Variants in PROM1 observed in about 807,000 individuals in gnomAD.
The protein encoded by PROM1 is prominin-1.
In PROM1, 105 loss-of-function variants were observed where a neutral mutation model predicts 116.9. The observed-to-expected ratio is 0.90, with a 90% confidence interval of 0.77 to 1.06. The LOEUF (loss-of-function observed/expected upper bound fraction) is 1.06. PROM1 is among the 50% of genes least tolerant of loss of function. PROM1 has a pLI of 0.00. For synonymous variants in PROM1, 393 were observed against 387.0 expected (o/e 1.02, Z -0.18); for missense variants, 1,122 against 1,045.2 (o/e 1.07, Z -1.01).
intron 13 of PROM1, chr4:16,003,282 A>G (rs559392340): frequency 4.4e-6 from 2 of 456,708 alleles, no homozygotes; most frequent in African/African-American, 2.0e-5. Flanking sequence ...CTTCACTATC[A>G]TAACTAATAC....
chr4:16,014,903 T>C (rs1426636575), intron 10 of PROM1, among the ~76,000 whole-genome samples: 1 of 152,210 alleles, frequency 6.6e-6, no homozygotes, highest in Non-Finnish European at 1.5e-5. Flanking sequence ...CCCTGCGTTT[T>C]TGGGGGTTTA....
At chr4:16,038,510 C>A (rs1179853682) in intron 3 of PROM1, among the ~76,000 whole-genome samples, 1 of 152,196 alleles carries the variant, frequency 6.6e-6, no homozygotes, top group Non-Finnish European at 1.5e-5. Flanking sequence ...TCAAGCGATT[C>A]TCCTGCCTCA....
At chr4:16,070,493 G>A (rs927653953) in intron 2 of PROM1, among the ~76,000 whole-genome samples, 1 of 152,038 alleles carries the variant, frequency 6.6e-6, no homozygotes, top group Admixed American at 6.5e-5. Flanking sequence ...TGATTACATC[G>A]CAGTTAGCAT....
At chr4:16,060,086 C>T (rs1158829564) in intron 2 of PROM1, among the ~76,000 whole-genome samples, 7 of 152,102 alleles carry the variant, frequency 4.6e-5, no homozygotes, top group East Asian at 1.9e-4. Context: ...CACACACAAA[C>T]GCTGATAACA....
chr4:16,075,809 T>C lies in PROM1; in HGVS notation c.98A>G (p.Asn33Ser). The C allele has an allele frequency of 6.2e-7, 1 of 1,613,808 alleles. No individual in the cohort carries two copies. The highest frequency in any genetic ancestry group is 1.1e-5 in the South Asian group (1 of 90,976). The change falls in exon 2 of 28, where the codon AAT (asparagine) becomes AGT (serine). Residue 33 changes from asparagine (N) to serine (S), a missense_variant. Transcript: ENST00000447510. ...ATAATTTGTTGCAGGCAATTCATAA[T>C]TCCAAGCCTTAGGAGCATCTGTGGA... The part of the protein sequence containing the change: ...PSSTDAPKAW[N>S]YELPATNYET...
At chr4:16,029,917 TA>T (rs1296799031) in intron 5 of PROM1, among the ~76,000 whole-genome samples, 1 of 152,192 alleles carries the variant, frequency 6.6e-6, no homozygotes, top group African/African-American at 2.4e-5. Context: ...TCCACTCTCC[TA>T]TCTTTCCCTC....
intron 22 of PROM1, 87 bp downstream of exon 22, chr4:15,985,673 A>T: frequency 2.0e-6 from 2 of 999,478 alleles, no homozygotes; most frequent in Non-Finnish European, 3.0e-6. Context: ...TGGGAAATTT[A>T]ATTTTATTTC....
intron 15 of PROM1, among the ~76,000 whole-genome samples, chr4:15,994,858 T>A (rs1721918752): frequency 6.6e-6 from 1 of 152,116 alleles, no homozygotes; most frequent in East Asian, 1.9e-4. Flanking sequence ...GGAGGTGTGA[T>A]CCTTCCCTCC....
At chr4:15,971,188 T>C (rs955032628) in intron 26 of PROM1, 106 bp from the exon 27 acceptor site, 28 of 856,640 alleles carry the variant, frequency 3.3e-5, no homozygotes, top group Middle Eastern at 4.5e-4. Flanking sequence ...TACAGACGAA[T>C]ATAAACCACA....
chr4:16,025,719 G>A (rs7439200), intron 5 of PROM1, among the ~76,000 whole-genome samples: 25 of 150,254 alleles, frequency 1.7e-4, no homozygotes, highest in African/African-American at 3.2e-4. Flanking sequence ...ACACACACAC[G>A]CACACACACA....
chr4:16,047,176 G>A (rs1445873649), intron 2 of PROM1, among the ~76,000 whole-genome samples: 1 of 152,054 alleles, frequency 6.6e-6, no homozygotes, highest in Non-Finnish European at 1.5e-5. Context: ...CAACTGATTG[G>A]ATGAGGCCCA....
intron 2 of PROM1, among the ~76,000 whole-genome samples, chr4:16,063,421 C>T (rs1740805583): frequency 6.6e-6 from 1 of 152,106 alleles, no homozygotes; most frequent in African/African-American, 2.4e-5. Context: ...CATGGTAAAA[C>T]CCCGCTTCTA....
At chr4:16,045,095 C>T (rs1736229661) in intron 2 of PROM1, among the ~76,000 whole-genome samples, 1 of 151,186 alleles carries the variant, frequency 6.6e-6, no homozygotes, top group Admixed American at 6.6e-5. Flanking sequence ...CTCTTCCCTG[C>T]CGGCCCTCAG....
chr4:16,013,952 A>C (rs1432507326), intron 10 of PROM1, among the ~76,000 whole-genome samples: 2 of 152,188 alleles, frequency 1.3e-5, no homozygotes, highest in African/African-American at 4.8e-5. Flanking sequence ...AAACGAAAAA[A>C]AAAAATGTCC....
chr4:15,999,462 C>T (rs1723185249), intron 14 of PROM1, among the ~76,000 whole-genome samples: 1 of 150,962 alleles, frequency 6.6e-6, no homozygotes, highest in African/African-American at 2.4e-5. Context: ...CAGAGTGAGA[C>T]TCCGTCTTAA....
At chr4:16,068,307 T>C (rs1209940172) in intron 2 of PROM1, among the ~76,000 whole-genome samples, 2 of 152,232 alleles carry the variant, frequency 1.3e-5, no homozygotes, top group African/African-American at 4.8e-5. Context: ...GAGTCACCCA[T>C]GCTAAAGTTC....
chr4:16,025,604 G>A (rs897004096), intron 5 of PROM1, among the ~76,000 whole-genome samples: 2 of 152,202 alleles, frequency 1.3e-5, no homozygotes, highest in Non-Finnish European at 2.9e-5. Flanking sequence ...GGAGGAAATA[G>A]GTGCAAAAAG....
At chr4:16,033,176 T>C in intron 5 of PROM1, 128 bp downstream of exon 5, 1 of 779,790 alleles carries the variant, frequency 1.3e-6, no homozygotes, top group East Asian at 2.7e-5. Context: ...CTCTCTTTTC[T>C]GTTTGGTGGG....
At chr4:16,048,106 C>T (rs115049040) in intron 2 of PROM1, among the ~76,000 whole-genome samples, 146 of 152,230 alleles carry the variant, frequency 9.6e-4, no homozygotes, top group African/African-American at 3.4e-3. Flanking sequence ...TCCAGCACTC[C>T]CATTTGGTTA....
Sources: allele counts gnomAD v4.1 joint callset (sites outside exome capture counted in the v4.1 genomes callset), GRCh38; gene constraint gnomAD v4.1.1; transcripts MANE v1.5; gene names NCBI Gene and HGNC (gene_info 2026-07-23, HGNC 2026-07-21).